The following MACF1 variants were observed in gnomAD, a reference collection of about 807,000 sequenced individuals.
MACF1 encodes microtubule actin crosslinking factor 1.
Under a neutral mutation model 854.8 loss-of-function variants are expected in MACF1, and 193 were observed. The ratio of observed to expected loss-of-function variants is 0.23; its 90% CI spans 0.20 to 0.25. The LOEUF (loss-of-function observed/expected upper bound fraction) is 0.25, where lower values mean the gene tolerates loss of function less well. Among genes scored for constraint, MACF1 ranks in the 10% least tolerant of loss-of-function variants. The pLI is 1.00. For missense variants in MACF1, 7,722 were observed against 8,929.1 expected (o/e 0.86, Z 5.45); for synonymous variants, 3,185 against 3,226.7 (o/e 0.99, Z 0.44).
intron 2 of MACF1, among the ~76,000 whole-genome samples, chr1:39,185,706 A>G (rs1041707858): frequency 3.9e-5 from 6 of 152,180 alleles, no homozygotes; most frequent in Admixed American, 1.3e-4. Context: ...GGATGTAAAC[A>G]GATCTTTGGA....
At position 39,442,221 on chromosome 1, in the gene MACF1, G is replaced by A. The variant is rs572176800; in HGVS notation, c.18849G>A (p.Lys6283=). 1.9e-6 allele frequency: 3 copies of A among 1,609,716 alleles called. No homozygotes were observed. The highest frequency in any genetic ancestry group is 1.3e-5 in the African/African-American group (1 of 74,552). The change falls in exon 76 of 101, where the codon AAG becomes AAA. Residue 6283 remains lysine (K), a synonymous_variant. Coordinates refer to ENST00000564288, the MANE Select transcript of MACF1 (RefSeq NM_001394062.1). Reference sequence around the variant, plus strand: ...ATCACCAGGGTGAACTGATGTTAAAGAAAGCTACTGATGAGACGGACAGAG... The same window carrying A: ...ATCACCAGGGTGAACTGATGTTAAAAAAAGCTACTGATGAGACGGACAGAG... The part of the protein sequence containing the change: ...KLNHQGELML[K]KATDETDRDI...
chr1:39,132,817 T>G (rs1643036809), intron 2 of MACF1, among the ~76,000 whole-genome samples: 1 of 152,168 alleles, frequency 6.6e-6, no homozygotes, highest in African/African-American at 2.4e-5. Context: ...TTTGAGGAAT[T>G]CAAAGCACAT....
intron 2 of MACF1, among the ~76,000 whole-genome samples, chr1:39,107,109 A>T (rs965253434): frequency 7.9e-5 from 12 of 152,180 alleles, no homozygotes; most frequent in African/African-American, 2.9e-4. Flanking sequence ...TTTGAGTAAC[A>T]CTGCTCTCTT....
At position 39,388,216 on chromosome 1, in the gene MACF1, A is replaced by G; in HGVS notation, c.15374A>G (p.His5125Arg). 5.6e-6 allele frequency: 9 copies of G among 1,614,180 alleles called. No individual in the cohort carries two copies. Among genetic ancestry groups the G allele is most frequent in the Admixed American group, 1.7e-5 (1 of 60,014 alleles). Residue 5125 changes from histidine to arginine, a missense_variant, in exon 58 of 101, where the codon CAC (histidine) becomes CGC (arginine). His to Arg is a conservative substitution (Grantham distance 29, BLOSUM62 0). Transcript: ENST00000564288. ...AAGCTGGAGGGGATTGGCCAGTTTC[A>G]CTGCCGGGTCCGAGAGATGTTCTCT... Reference protein sequence around the residue: ...ENKLEGIGQFHCRVREMFSQL... With the variant: ...ENKLEGIGQFRCRVREMFSQL...
chr1:39,366,096 AT>A (rs1325281369), intron 49 of MACF1, among the ~76,000 whole-genome samples: 1 of 151,802 alleles, frequency 6.6e-6, no homozygotes, highest in African/African-American at 2.4e-5. Flanking sequence ...GTCCTCCTCA[AT>A]TTTTTTCTTT....
chr1:39,094,459 C>T (rs931621383), intron 2 of MACF1, among the ~76,000 whole-genome samples: 4 of 151,022 alleles, frequency 2.6e-5, no homozygotes, highest in Admixed American at 6.6e-5. Context: ...TGGTGGCTCA[C>T]GCCTGTAATC....
chr1:39,336,195 G>A lies in MACF1; in HGVS notation c.9607G>A (p.Glu3203Lys), dbSNP rs1187968206. 2 of 1,614,116 alleles carry A rather than the reference G, an allele frequency of 1.2e-6. No homozygotes were observed. Among genetic ancestry groups the A allele is most frequent in the East Asian group, 4.5e-5 (2 of 44,890 alleles). The change falls in exon 37 of 101, where the codon GAA (glutamate) becomes AAA (lysine). Residue 3203 changes from glutamate (E) to lysine (K), a missense_variant. This residue lies in a region of MACF1 where 854 missense variants were observed against 852.6 expected (regional missense o/e 1.00). Transcript: ENST00000564288. The stretch of plus-strand genomic sequence containing the variant: ...AGATTCAAAAGAAGTCAGGTATCTA[G>A]AATTCTCAGACAGAAAAGACCTTCA... ...RPDSKEVRYL[E>K]FSDRKDLHHQ...
chr1:39,297,998 C>A (rs1340621433), intron 21 of MACF1, among the ~76,000 whole-genome samples: 1 of 152,042 alleles, frequency 6.6e-6, no homozygotes, highest in African/African-American at 2.4e-5. Flanking sequence ...CTCCTCTGAG[C>A]CACTTTGAGC....
At chr1:39,093,370 CA>C (rs1641858255) in intron 2 of MACF1, among the ~76,000 whole-genome samples, 1 of 127,802 alleles carries the variant, frequency 7.8e-6, no homozygotes, top group Non-Finnish European at 1.6e-5. Context: ...GGCTGGAGTG[CA>C]ATGGCTCAAT....
At position 39,334,005 on chromosome 1, in the gene MACF1, G is replaced by T. The variant is rs1646770963; in HGVS notation, c.7417G>T (p.Asp2473Tyr). 6.2e-7 allele frequency: 1 copy of T among 1,614,082 alleles called. No individual in the cohort carries two copies. The highest frequency in any genetic ancestry group is 8.5e-7 in the Non-Finnish European group (1 of 1,180,030). ...GGAAACAACAGGACTTATAGACCCT[G>T]ATAGTAAAGCACCTTTAACAGTTGT... ...QMETTGLIDP[D>Y]SKAPLTVVQS... The change falls in exon 37 of 101, where the codon GAT becomes TAT. Residue 2473 changes from aspartate (D) to tyrosine (Y), a missense_variant. Asp to Tyr is a radical substitution (Grantham distance 160). This residue lies in a region of MACF1 where 1,531 missense variants were observed against 1,601.6 expected (regional missense o/e 0.96). Coordinates refer to ENST00000564288, the MANE Select transcript of MACF1 (RefSeq NM_001394062.1).
intron 52 of MACF1, among the ~76,000 whole-genome samples, chr1:39,377,120 C>T (rs1255217596): frequency 6.6e-6 from 1 of 152,132 alleles, no homozygotes; most frequent in Non-Finnish European, 1.5e-5. Context: ...AATCGATTCT[C>T]CTGCCTCAGC....
At chr1:39,258,475 A>G (rs1557548168) in intron 6 of MACF1, among the ~76,000 whole-genome samples, 1 of 152,222 alleles carries the variant, frequency 6.6e-6, no homozygotes, top group Non-Finnish European at 1.5e-5. Context: ...TAATTAGAAT[A>G]CTTTAGTATC....
rs541269750 is a variant in MACF1 at position 39,115,196 on chromosome 1, G to T, written c.220+30758G>T. Among the ~76,000 whole-genome samples, 6 of 152,282 alleles carry T rather than the reference G, an allele frequency of 3.9e-5. 1 individual carries two copies. The South Asian group carries it at 1.0e-3, about 26-fold the overall frequency. ...ACATTTTAGGAGTACTTTTCCTCTG[G>T]CAGCAGTGCCAAGGAAGGTAGGGGC... is the stretch of plus-strand genomic sequence containing the variant. On this transcript the variant is annotated intron_variant, in intron 2 of 93. Coordinates refer to the MACF1 transcript ENST00000361689.
Position 39,388,634 on chromosome 1 carries a change from C to T in MACF1, c.15792C>T (p.Ile5264=). The T allele has an allele frequency of 6.3e-7, 1 of 1,577,910 alleles. No individual in the cohort carries two copies. Among genetic ancestry groups the T allele is most frequent in the Non-Finnish European group, 8.6e-7 (1 of 1,164,536 alleles). Residue 5264 remains isoleucine (I), a synonymous_variant, in exon 58 of 101, where the codon ATC becomes ATT. Transcript: ENST00000564288. ...QWVVGTEVEI[I]NQQLADFKMF... ...TAGTGGGGACCGAAGTGGAAATCAT[C>T]AACCAACAATTAGCAGATTTTAAAG... is the stretch of plus-strand genomic sequence containing the variant.
chr1:39,147,034 T>G (rs1188737687), intron 2 of MACF1, among the ~76,000 whole-genome samples: 3 of 151,876 alleles, frequency 2.0e-5, no homozygotes, highest in Admixed American at 6.6e-5. Flanking sequence ...TCTTCCTTCC[T>G]TCTTCTTCTC....
chr1:39,370,165 A>C lies in MACF1; in HGVS notation c.13074A>C (p.Glu4358Asp). 6.2e-7 allele frequency: 1 copy of C among 1,612,994 alleles called. No homozygotes were observed. Among genetic ancestry groups the C allele is most frequent in the Non-Finnish European group, 8.5e-7 (1 of 1,179,570 alleles). Reference sequence around the variant, plus strand: ...CTTCTATGAGTGCTAAAGAGTTAGAAAAGCAGATTGAACACCTGAAGGTAG... The same window carrying C: ...CTTCTATGAGTGCTAAAGAGTTAGACAAGCAGATTGAACACCTGAAGGTAG... The part of the protein sequence containing the change: ...TETSMSAKEL[E>D]KQIEHLKSLL... The change falls in exon 51 of 101, where the codon GAA becomes GAC. Residue 4358 changes from glutamate to aspartate, a missense_variant. This residue lies in a region of MACF1 where 2,807 missense variants were observed against 3,235.8 expected (regional missense o/e 0.87). Transcript: ENST00000564288.
At chr1:39,290,611 T>A (rs968757265) in intron 15 of MACF1, among the ~76,000 whole-genome samples, 4 of 150,526 alleles carry the variant, frequency 2.7e-5, no homozygotes, top group African/African-American at 4.9e-5. Context: ...TTTTTTTTTT[T>A]TTATTCTCTC....
rs571383832 is a variant in MACF1 at position 39,119,872 on chromosome 1, CTTTTTTTTTTTT to C, written c.220+35448_220+35459del. ...TAATGTGCAGAATATAATAAAGCCT[CTTTTTTTTTTTT>C]TTTTTTTTTTTTTGAGACAGAGTTT... On this transcript the variant is annotated intron_variant, in intron 2 of 93. Transcript: ENST00000361689. Among the ~76,000 whole-genome samples the C allele has an allele frequency of 9.1e-3, 595 of 65,598 alleles. 8 individuals carry two copies. The highest frequency in any genetic ancestry group is 0.032 in the African/African-American group (563 of 17,532). The allele number at this position is 65,598 out of a possible 152,430, so 43.0% of individuals were successfully genotyped here.
intron 63 of MACF1, 102 bp downstream of exon 63, chr1:39,428,389 C>G: frequency 8.6e-7 from 1 of 1,163,472 alleles, no homozygotes; most frequent in South Asian, 1.6e-5. Flanking sequence ...ACAAACACTT[C>G]AACTTTATTT....
Sources: allele counts gnomAD v4.1 joint callset (sites outside exome capture counted in the v4.1 genomes callset), GRCh38; gene constraint gnomAD v4.1.1; regional missense constraint gnomAD v4.1.1; transcripts MANE v1.5; gene names NCBI Gene and HGNC (gene_info 2026-07-23, HGNC 2026-07-21).